The following HTT variants were observed in gnomAD, a reference collection of about 807,000 sequenced individuals.
HTT encodes the protein huntington disease protein.
In HTT, 104 loss-of-function variants were observed where a neutral mutation model predicts 362.3. The ratio of observed to expected loss-of-function variants is 0.29; its 90% CI spans 0.24 to 0.34. The LOEUF (loss-of-function observed/expected upper bound fraction) is 0.34, where lower values mean the gene tolerates loss of function less well. Among genes scored for constraint, HTT ranks in the 10% least tolerant of loss-of-function variants. HTT has a pLI of 1.00. For synonymous variants in HTT, 1,577 were observed against 1,548.7 expected, an observed-to-expected ratio of 1.02 and a Z score of -0.43; for missense variants, 3,301 against 3,928.6, an observed-to-expected ratio of 0.84 and a Z score of 4.27.
At chr4:3,125,675 C>A in intron 11 of HTT, 46 bp downstream of exon 11, 1 of 1,344,054 alleles carries the variant, frequency 7.4e-7, no homozygotes, top group Non-Finnish European at 1.1e-6. Context: ...CACTGTCTGC[C>A]TTCCACCCCT....
At position 3,074,938 on chromosome 4, in the gene HTT, A is replaced by AGCAGCAGCAGCAGCAGCAGCC; in HGVS notation, c.115_116insAGCAGCAGCAGCAGCAGCCGC (p.Gln38_Pro39insGlnGlnGlnGlnGlnGlnPro). ...CAGCAGCAGCAGCAGCAGCAGCAAC[A>AGCAGCAGCAGCAGCAGCAGCC]GCCGCCACCGCCGCCGCCGCCGCCG... is the stretch of plus-strand genomic sequence containing the variant. On this transcript the variant is annotated inframe_insertion, in exon 1 of 67. Coordinates refer to ENST00000355072, the MANE Select transcript of HTT (RefSeq NM_001388492.1). The AGCAGCAGCAGCAGCAGCAGCC allele has an allele frequency of 7.9e-7, 1 of 1,266,788 alleles. No individual in the cohort carries two copies. The highest frequency in any genetic ancestry group is 1.0e-6 in the Non-Finnish European group (1 of 957,294). 78.5% of individuals were successfully genotyped at this position (1,266,788 alleles called of 1,614,324 possible).
chr4:3,155,897 CAAAAA>C (rs544532624), intron 27 of HTT, among the ~76,000 whole-genome samples: 9 of 84,604 alleles, frequency 1.1e-4, no homozygotes, highest in Non-Finnish European at 7.7e-5. Flanking sequence ...GACTCCGTCT[CAAAAA>C]AAAAAAAAAA....
At position 3,242,690 on chromosome 4, in the gene HTT, C is replaced by T. The variant is rs920889106; in HGVS notation, c.*2631C>T. 1.3e-5 allele frequency: 2 copies of T among 152,174 alleles called. No individual in the cohort carries two copies. The highest frequency in any genetic ancestry group is 6.6e-5 in the Admixed American group (1 of 15,266). The allele number at this position is 152,174 out of a possible 1,614,324, so 9.4% of individuals were successfully genotyped here. On this transcript the variant is annotated 3_prime_UTR_variant, in exon 67 of 67. Transcript: ENST00000355072. ...CTGTGGCAAGCACCCATCGTATTAT[C>T]CAAATTTTGTTGCAAATGTGATTAA...
intron 64 of HTT, among the ~76,000 whole-genome samples, chr4:3,236,925 C>T (rs926590979): frequency 6.6e-6 from 1 of 152,208 alleles, no homozygotes; most frequent in African/African-American, 2.4e-5. Flanking sequence ...GTTGCACTGC[C>T]TTGCCTGTGC....
chr4:3,235,288 G>C lies in HTT; in HGVS notation c.8461G>C (p.Val2821Leu), dbSNP rs761469680. The C allele has an allele frequency of 2.5e-6, 4 of 1,611,080 alleles. No individual in the cohort carries two copies. Among genetic ancestry groups the C allele is most frequent in the Non-Finnish European group, 2.5e-6 (3 of 1,177,446 alleles). ...LSNLKGIAHC[V>L]NIHSQQHVLV... is the part of the protein sequence containing the mutation. ...GATGCTGTCTCCCGTTTTCAGCTGCGTGAACATTCACAGCCAGCAGCACGT... is the reference window on the plus strand; with the variant it reads ...GATGCTGTCTCCCGTTTTCAGCTGCCTGAACATTCACAGCCAGCAGCACGT... Residue 2821 changes from valine (V) to leucine (L), a missense_variant, in exon 62 of 67, where the codon GTG (valine) becomes CTG (leucine). Physicochemically the swap from Val to Leu is conservative, Grantham distance 32 (BLOSUM62 1). This residue lies in a region of HTT where 753 missense variants were observed against 1,021.3 expected (regional missense o/e 0.74). Transcript: ENST00000355072.
At chr4:3,097,834 C>T (rs553785005) in intron 2 of HTT, among the ~76,000 whole-genome samples, 5 of 152,204 alleles carry the variant, frequency 3.3e-5, no homozygotes, top group South Asian at 4.1e-4. Context: ...TATTTAGTTA[C>T]TGGAAAACTT....
At chr4:3,193,407 A>C (rs1277771797) in intron 40 of HTT, among the ~76,000 whole-genome samples, 4 of 152,218 alleles carry the variant, frequency 2.6e-5, no homozygotes, top group Non-Finnish European at 5.9e-5. Context: ...GGTCATTTTA[A>C]TATTTTGCCA....
At chr4:3,184,522 C>G (rs1431552809) in intron 37 of HTT, among the ~76,000 whole-genome samples, 1 of 152,050 alleles carries the variant, frequency 6.6e-6, no homozygotes, top group Non-Finnish European at 1.5e-5. Flanking sequence ...AAGTCAGCAT[C>G]CCTTGGCAGC....
rs757177988 is a variant in HTT at position 3,212,660 on chromosome 4, C to T, written c.6725C>T (p.Pro2242Leu). 6.2e-7 allele frequency: 1 copy of T among 1,614,252 alleles called. No individual in the cohort carries two copies. The highest frequency in any genetic ancestry group is 8.5e-7 in the Non-Finnish European group (1 of 1,180,054). Residue 2242 changes from proline to leucine, a missense_variant, in exon 49 of 67, where the codon CCT (proline) becomes CTT (leucine). Physicochemically the swap from Pro to Leu is moderately conservative, Grantham distance 98 (BLOSUM62 -3). Transcript: ENST00000355072. ...AAACTGCCCAGTCATTTGCACCTTC[C>T]TCCTGAGAAAGAGAAGGACATTGTG... The part of the protein sequence containing the change: ...VSKLPSHLHL[P>L]PEKEKDIVKF...
chr4:3,174,687 C>T (rs1160088050), intron 31 of HTT, 34 bp from the exon 32 acceptor site: 1 of 1,515,468 alleles, frequency 6.6e-7, no homozygotes, highest in South Asian at 1.1e-5. Context: ...AAGATATTCT[C>T]ATTCTCTGCT....
At chr4:3,157,023 C>A (rs745510797) in intron 27 of HTT, 49 bp from the exon 28 acceptor site, 7 of 1,494,690 alleles carry the variant, frequency 4.7e-6, no homozygotes, top group Non-Finnish European at 6.3e-6. Context: ...TAAAACTTGG[C>A]AAGTTATTTT....
At chr4:3,098,492 C>T (rs918031858) in intron 2 of HTT, among the ~76,000 whole-genome samples, 1 of 152,226 alleles carries the variant, frequency 6.6e-6, no homozygotes, top group Non-Finnish European at 1.5e-5. Flanking sequence ...TCAAGAACAT[C>T]CTTGTGTTAC....
chr4:3,131,886 G>A, intron 16 of HTT, 111 bp downstream of exon 16: 2 of 1,035,328 alleles, frequency 1.9e-6, no homozygotes, highest in East Asian at 2.5e-5. Context: ...GTTCATTTGG[G>A]ATATTTGACC....
chr4:3,230,057 G>A lies in HTT; in HGVS notation c.8265+15G>A. The A allele has an allele frequency of 6.2e-7, 1 of 1,612,058 alleles. No individual in the cohort carries two copies. Among genetic ancestry groups the A allele is most frequent in the Non-Finnish European group, 8.5e-7 (1 of 1,178,268 alleles). ...TCCTTGGGATGGTAAGTGACAGGTG[G>A]CACAGAGGTTTCTGTGCTGAAGCCA... On this transcript the variant is annotated intron_variant, in intron 60 of 66. Coordinates refer to ENST00000355072, the MANE Select transcript of HTT (RefSeq NM_001388492.1).
At chr4:3,204,291 A>C (rs1413515171) in intron 42 of HTT, 143 bp downstream of exon 42, 1 of 747,574 alleles carries the variant, frequency 1.3e-6, no homozygotes, top group Non-Finnish European at 2.2e-6. Context: ...TCTAGAATGA[A>C]TGTTTACTTC....
At position 3,174,771 on chromosome 4, in the gene HTT, C is replaced by T. The variant is rs761236930; in HGVS notation, c.4217C>T (p.Thr1406Met). ...KVSTQLKTNL[T>M]SVTKNRADKN... ...TCTACCCAGTTGAAGACAAACCTCACGAGTGTCACAAAGAACCGTGCAGAT... is the reference window on the plus strand; with the variant it reads ...TCTACCCAGTTGAAGACAAACCTCATGAGTGTCACAAAGAACCGTGCAGAT... Residue 1406 changes from threonine (T) to methionine (M), a missense_variant, in exon 32 of 67, where the codon ACG becomes ATG. Thr to Met is a moderately conservative substitution (Grantham distance 81). Coordinates refer to ENST00000355072, the MANE Select transcript of HTT (RefSeq NM_001388492.1). 22 of 1,613,994 alleles carry T rather than the reference C, an allele frequency of 1.4e-5. No homozygotes were observed. The highest frequency in any genetic ancestry group is 1.9e-5 in the Non-Finnish European group (22 of 1,180,004).
chr4:3,105,058 A>T (rs143348976), intron 4 of HTT, among the ~76,000 whole-genome samples: 19 of 152,270 alleles, frequency 1.2e-4, no homozygotes, highest in African/African-American at 4.3e-4. Flanking sequence ...GTGGGATTTC[A>T]TCGTTATTCA....
chr4:3,085,350 TG>T (rs1713154465), intron 1 of HTT, among the ~76,000 whole-genome samples: 2 of 152,128 alleles, frequency 1.3e-5, no homozygotes, highest in African/African-American at 2.4e-5. Context: ...CTGGCCAGGC[TG>T]GTCTCGAACT....
Position 3,207,315 on chromosome 4 carries a change from A to G in HTT, c.6110A>G (p.Asn2037Ser), listed in dbSNP as rs767772416. ...GCCCAGTTGCCAATGGAAGAACTCA[A>G]CAGAATCCAGGAATACCTTCAGAGC... ...SMAQLPMEELNRIQEYLQSSG... is the reference protein window; with the variant it reads ...SMAQLPMEELSRIQEYLQSSG... The change falls in exon 45 of 67, where the codon AAC (asparagine) becomes AGC (serine). Residue 2037 changes from asparagine to serine, a missense_variant. Asn to Ser is a conservative substitution (Grantham distance 46, BLOSUM62 1). Transcript: ENST00000355072. The G allele has an allele frequency of 4.3e-6, 7 of 1,613,964 alleles. No individual in the cohort carries two copies. Among genetic ancestry groups the G allele is most frequent in the East Asian group, 2.2e-5 (1 of 44,886 alleles).
Sources: allele counts gnomAD v4.1 joint callset (sites outside exome capture counted in the v4.1 genomes callset), GRCh38; gene constraint gnomAD v4.1.1; regional missense constraint gnomAD v4.1.1; transcripts MANE v1.5; gene names NCBI Gene and HGNC (gene_info 2026-07-23, HGNC 2026-07-21).